The following PRKG1 variants were observed in gnomAD, a reference collection of about 807,000 sequenced individuals.
PRKG1 encodes protein kinase cGMP-dependent 1.
PRKG1 carries 35 observed loss-of-function variants against 88.1 expected under a neutral mutation model. That is an observed-to-expected ratio of 0.40 (90% CI 0.30 to 0.53). The LOEUF is 0.53. Among genes scored for constraint, PRKG1 ranks in the 20% least tolerant of loss-of-function variants. PRKG1 has a pLI of 0.59. For synonymous variants in PRKG1, 303 were observed against 292.5 expected, an observed-to-expected ratio of 1.04 and a Z score of -0.37; for missense variants, 540 against 839.8, an observed-to-expected ratio of 0.64 and a Z score of 4.41.
At chr10:51,604,902 A>T (rs1488760148) in intron 3 of PRKG1, among the ~76,000 whole-genome samples, 2 of 152,300 alleles carry the variant, frequency 1.3e-5, no homozygotes, top group East Asian at 3.9e-4. Context: ...GCCTTATTGC[A>T]AGGACAGGGG....
chr10:51,088,514 G>T (rs1844314266), intron 1 of PRKG1, among the ~76,000 whole-genome samples: 1 of 151,434 alleles, frequency 6.6e-6, no homozygotes, highest in Non-Finnish European at 1.5e-5. Flanking sequence ...GAAAATCAGT[G>T]GTTGTAGGTT....
At chr10:51,466,383 C>A (rs1839905506) in intron 2 of PRKG1, among the ~76,000 whole-genome samples, 2 of 151,940 alleles carry the variant, frequency 1.3e-5, no homozygotes, top group South Asian at 4.1e-4. Flanking sequence ...TGACTAATTT[C>A]TTTACATACA....
At chr10:51,918,952 C>A (rs1461124183) in intron 5 of PRKG1, among the ~76,000 whole-genome samples, 1 of 152,030 alleles carries the variant, frequency 6.6e-6, no homozygotes, top group African/African-American at 2.4e-5. Flanking sequence ...GAATAGAAGC[C>A]CACTCGTGCT....
At chr10:51,368,755 A>C (rs998961149) in intron 2 of PRKG1, among the ~76,000 whole-genome samples, 2 of 152,070 alleles carry the variant, frequency 1.3e-5, no homozygotes, top group Admixed American at 6.6e-5. Flanking sequence ...TCAGAAAGCT[A>C]CCCAATCAAA....
At chr10:51,826,394 C>T (rs1296081761) in intron 4 of PRKG1, among the ~76,000 whole-genome samples, 1 of 152,190 alleles carries the variant, frequency 6.6e-6, no homozygotes, top group Non-Finnish European at 1.5e-5. Context: ...TGTTTAGCTA[C>T]TCCCTCTGGG....
intron 1 of PRKG1, among the ~76,000 whole-genome samples, chr10:51,122,600 A>G (rs1845287002): frequency 2.0e-5 from 3 of 152,192 alleles, no homozygotes; most frequent in Admixed American, 2.0e-4. Flanking sequence ...AATCAAAATC[A>G]CAAACTATCA....
rs542711690 is a variant in PRKG1, at chr10:52,132,695, CAT to C, written c.936-1142_936-1141del. Among the ~76,000 whole-genome samples, 14 of 152,058 alleles carry C rather than the reference CAT, an allele frequency of 9.2e-5. 1 individual carries two copies. The South Asian group carries it at 2.3e-3, about 25-fold the overall frequency. ...ACCTATCTCTTTAATATATTTCAAACATATTAATTATTAATTAACTTAGAAAT... is the reference window on the plus strand; with the variant it reads ...ACCTATCTCTTTAATATATTTCAAACATTAATTATTAATTAACTTAGAAAT... On this transcript the variant is annotated intron_variant, in intron 7 of 17. Transcript: ENST00000373980.
intron 4 of PRKG1, among the ~76,000 whole-genome samples, chr10:51,888,789 G>C (rs1317705814): frequency 6.6e-6 from 1 of 151,998 alleles, no homozygotes; most frequent in Admixed American, 6.6e-5. Context: ...ATTTGCATAA[G>C]GTAGATAATA....
At chr10:52,195,956 A>G (rs774857642) in intron 9 of PRKG1, among the ~76,000 whole-genome samples, 8 of 152,182 alleles carry the variant, frequency 5.3e-5, no homozygotes, top group Non-Finnish European at 1.0e-4. Context: ...ATGGAAATTG[A>G]TCCCAATTAG....
chr10:52,288,105 T>C (rs562177256), intron 14 of PRKG1, among the ~76,000 whole-genome samples: 1 of 152,300 alleles, frequency 6.6e-6, no homozygotes, highest in East Asian at 1.9e-4. Context: ...TGGGTTGATA[T>C]AGGTTATGTA....
At chr10:51,004,957 A>C (rs1842926485) in intron 1 of PRKG1, among the ~76,000 whole-genome samples, 1 of 152,078 alleles carries the variant, frequency 6.6e-6, no homozygotes, top group South Asian at 2.1e-4. Flanking sequence ...CTTTTTTTTC[A>C]AAAGGCTAGT....
intron 9 of PRKG1, among the ~76,000 whole-genome samples, chr10:52,249,357 T>G (rs1841114550): frequency 6.6e-6 from 1 of 151,800 alleles, no homozygotes; most frequent in African/African-American, 2.4e-5. Context: ...GAACTATAGG[T>G]TTTAACTCTT....
intron 2 of PRKG1, among the ~76,000 whole-genome samples, chr10:51,312,700 T>TGC (rs2132492455): frequency 6.6e-6 from 1 of 152,060 alleles, no homozygotes; most frequent in South Asian, 2.1e-4. Context: ...TGTGTGTGTG[T>TGC]GTATTTCAGT....
At chr10:52,172,087 C>T (rs1838711106) in intron 9 of PRKG1, among the ~76,000 whole-genome samples, 1 of 152,120 alleles carries the variant, frequency 6.6e-6, no homozygotes, top group Non-Finnish European at 1.5e-5. Flanking sequence ...CAGGCGTGAG[C>T]CACCGCGCCC....
At chr10:51,672,031 T>C (rs1347380328) in intron 3 of PRKG1, among the ~76,000 whole-genome samples, 1 of 148,524 alleles carries the variant, frequency 6.7e-6, no homozygotes, top group Non-Finnish European at 1.5e-5. Flanking sequence ...TTGTGCCTTT[T>C]TGTAAACTAT....
At chr10:51,792,302 T>G (rs1329993543) in intron 3 of PRKG1, among the ~76,000 whole-genome samples, 3 of 152,156 alleles carry the variant, frequency 2.0e-5, no homozygotes, top group Non-Finnish European at 4.4e-5. Flanking sequence ...AGAAATCTAC[T>G]TATTTCTTAG....
intron 2 of PRKG1, among the ~76,000 whole-genome samples, chr10:51,274,459 T>C (rs1316034496): frequency 1.3e-5 from 2 of 152,204 alleles, no homozygotes; most frequent in Non-Finnish European, 2.9e-5. Flanking sequence ...TTGTTCTAAG[T>C]GCAATTGAAA....
intron 2 of PRKG1, among the ~76,000 whole-genome samples, chr10:51,449,402 C>T (rs1244991849): frequency 6.6e-6 from 1 of 151,026 alleles, no homozygotes; most frequent in Admixed American, 6.6e-5. Flanking sequence ...CTTGGTCTCA[C>T]TGAAGAGCTT....
rs184093927 is a variant in PRKG1, at chr10:52,175,904, G to C, written c.1076+13941G>C. ...GTATTTTGGATAGTAATGCCCTATT[G>C]GATGAATAGTTTGCAAATATTTTCT... On this transcript the variant is annotated intron_variant, in intron 9 of 17. Coordinates refer to ENST00000373980, the MANE Select transcript of PRKG1 (RefSeq NM_006258.4). Among the ~76,000 whole-genome samples the C allele has an allele frequency of 2.6e-5, 4 of 152,064 alleles. No homozygotes were observed. In the East Asian group the frequency reaches 7.7e-4, roughly 29 times the overall value.
Sources: gnomAD v4.1 joint callset for allele counts (sites outside exome capture counted in the v4.1 genomes callset) on GRCh38, gnomAD v4.1.1 for gene constraint, MANE v1.5 for transcripts, NCBI Gene and HGNC (gene_info 2026-07-23, HGNC 2026-07-21) for gene names.